The following IMMP2L variants were observed in gnomAD, a reference collection of about 807,000 sequenced individuals.
IMMP2L encodes inner mitochondrial membrane peptidase subunit 2, also known as mitochondrial inner membrane protease subunit 2.
A neutral mutation model predicts 19.3 loss-of-function variants in IMMP2L; 18 were observed. That is an observed-to-expected ratio of 0.93 (90% CI 0.64 to 1.38). The LOEUF (loss-of-function observed/expected upper bound fraction) is 1.38. Among genes scored for constraint, IMMP2L ranks in the 40% most tolerant of loss-of-function variants. The probability of loss-of-function intolerance (pLI) is 0.00; values close to 1 mark genes in which losing one functional copy is unlikely to be tolerated. For synonymous variants in IMMP2L, 76 were observed against 73.0 expected, an observed-to-expected ratio of 1.04 and a Z score of -0.21; for missense variants, 233 against 218.2, an observed-to-expected ratio of 1.07 and a Z score of -0.43.
chr7:110,738,495 G>A (rs561113309), intron 5 of IMMP2L, among the ~76,000 whole-genome samples: 40 of 152,148 alleles, frequency 2.6e-4, no homozygotes, highest in Middle Eastern at 3.4e-3. Flanking sequence ...CAAGACTTTC[G>A]AATTTACCCA....
At chr7:111,062,189 G>A (rs566131614) in intron 3 of IMMP2L, among the ~76,000 whole-genome samples, 1 of 152,314 alleles carries the variant, frequency 6.6e-6, no homozygotes, top group South Asian at 2.1e-4. Context: ...TGGACTCACA[G>A]TTCCACATGG....
intron 3 of IMMP2L, among the ~76,000 whole-genome samples, chr7:111,304,563 A>C (rs1822620978): frequency 6.6e-6 from 1 of 151,918 alleles, no homozygotes; most frequent in South Asian, 2.1e-4. Context: ...GTGTGTGTAC[A>C]TATGTATAGT....
chr7:111,534,442 C>T (rs558514954), intron 1 of IMMP2L, among the ~76,000 whole-genome samples: 2 of 152,028 alleles, frequency 1.3e-5, no homozygotes, highest in South Asian at 2.1e-4. Flanking sequence ...TCATCCTCAT[C>T]GTCATCCTTA....
chr7:111,489,850 A>G (rs1166589894), intron 2 of IMMP2L, among the ~76,000 whole-genome samples: 1 of 152,102 alleles, frequency 6.6e-6, no homozygotes, highest in Non-Finnish European at 1.5e-5. Flanking sequence ...ATTAAAATGG[A>G]ATTTGTTATC....
At chr7:110,783,339 AG>A (rs1285395615) in intron 5 of IMMP2L, among the ~76,000 whole-genome samples, 1 of 151,830 alleles carries the variant, frequency 6.6e-6, no homozygotes, top group Non-Finnish European at 1.5e-5. Flanking sequence ...AGGAAACTAA[AG>A]GTCAGCAAAA....
chr7:111,388,997 C>A (rs1832072844), intron 3 of IMMP2L, among the ~76,000 whole-genome samples: 1 of 152,076 alleles, frequency 6.6e-6, no homozygotes, highest in Admixed American at 6.6e-5. Context: ...TAGTAAAGAG[C>A]AATCTTAGAC....
At chr7:111,304,549 A>G (rs192194512) in intron 3 of IMMP2L, among the ~76,000 whole-genome samples, 100 of 152,008 alleles carry the variant, frequency 6.6e-4, no homozygotes, top group Non-Finnish European at 1.2e-3. Context: ...GTGTATATAT[A>G]TGTGTGTGTG....
chr7:111,258,521 T>A (rs1816968042), intron 3 of IMMP2L, among the ~76,000 whole-genome samples: 2 of 152,130 alleles, frequency 1.3e-5, no homozygotes, highest in Admixed American at 6.5e-5. Context: ...TTTTTTATTT[T>A]TTTGAAAAAG....
rs547966713 is a variant in IMMP2L at position 110,988,529 on chromosome 7, G to A, written c.240-24964C>T. 5.3e-5 allele frequency among the ~76,000 whole-genome samples: 8 copies of A among 152,262 alleles called. No individual in the cohort carries two copies. In the South Asian group the frequency reaches 8.3e-4, roughly 16 times the overall value. On this transcript the variant is annotated intron_variant, in intron 3 of 5. Coordinates refer to ENST00000405709, the MANE Select transcript of IMMP2L (RefSeq NM_032549.4). ...TGCACAGGAAGAAAAGGAAAGCACCGACTCTAGTAAATGGATAGCAACCTT... is the reference window on the plus strand; with the variant it reads ...TGCACAGGAAGAAAAGGAAAGCACCAACTCTAGTAAATGGATAGCAACCTT...
chr7:110,911,810 T>A (rs929872521), intron 4 of IMMP2L, among the ~76,000 whole-genome samples: 1 of 152,150 alleles, frequency 6.6e-6, no homozygotes, highest in Non-Finnish European at 1.5e-5. Context: ...ACCTGTCTAA[T>A]CTTTCAATTC....
intron 3 of IMMP2L, among the ~76,000 whole-genome samples, chr7:111,143,796 C>A (rs932902123): frequency 6.6e-6 from 1 of 152,072 alleles, no homozygotes; most frequent in Non-Finnish European, 1.5e-5. Context: ...TGAGAAAATG[C>A]ATTCTCATTT....
At position 111,210,637 on chromosome 7, in the gene IMMP2L, GA is replaced by G. The variant is rs577818809; in HGVS notation, c.240-247073del. 9.1e-3 allele frequency among the ~76,000 whole-genome samples: 1,362 copies of G among 149,606 alleles called. 24 individuals are homozygous for G. Among genetic ancestry groups the G allele is most frequent in the African/African-American group, 0.032 (1,306 of 40,778 alleles). On this transcript the variant is annotated intron_variant, in intron 3 of 5. Transcript: ENST00000405709. Reference sequence around the variant, plus strand: ...TTCTAGTTTTACTACCTGGTTAATAGAAAAAAAAATACTACATCTGCCTACA... The same window carrying G: ...TTCTAGTTTTACTACCTGGTTAATAGAAAAAAAATACTACATCTGCCTACA...
chr7:110,782,235 C>T (rs1799792373), intron 5 of IMMP2L, among the ~76,000 whole-genome samples: 1 of 151,742 alleles, frequency 6.6e-6, no homozygotes, highest in Admixed American at 6.6e-5. Flanking sequence ...TATTTTAAGC[C>T]TAAGGTAGAT....
In IMMP2L at chr7:111,092,045, T is replaced by C. The variant is rs371374139; in HGVS notation, c.240-128480A>G. 2.6e-5 allele frequency among the ~76,000 whole-genome samples: 4 copies of C among 152,320 alleles called. No individual in the cohort carries two copies. The East Asian group carries it at 5.8e-4, about 22-fold the overall frequency. On this transcript the variant is annotated intron_variant, in intron 3 of 5. Transcript: ENST00000405709. ...TCCAGTGGATGCAAATTAAGGCAAATGCTGTTGTATGTTAAGAGCTAAACC... is the reference window on the plus strand; with the variant it reads ...TCCAGTGGATGCAAATTAAGGCAAACGCTGTTGTATGTTAAGAGCTAAACC...
At position 110,773,498 on chromosome 7, in the gene IMMP2L, G is replaced by A. The variant is rs185065592; in HGVS notation, c.409-109777C>T. ...AGAACATTAAAAAATCAGTCATTAC[G>A]TATCAGGTGCAGGGACAGATTAAAT... On this transcript the variant is annotated intron_variant, in intron 5 of 5. Coordinates refer to ENST00000405709, the MANE Select transcript of IMMP2L (RefSeq NM_032549.4). 3.3e-4 allele frequency among the ~76,000 whole-genome samples: 50 copies of A among 152,230 alleles called. No individual in the cohort carries two copies. In the East Asian group the frequency reaches 9.1e-3, roughly 28 times the overall value.
intron 5 of IMMP2L, among the ~76,000 whole-genome samples, chr7:110,792,623 G>A (rs1053513667): frequency 1.3e-5 from 2 of 152,004 alleles, no homozygotes; most frequent in Non-Finnish European, 2.9e-5. Context: ...TGTCTTTCAC[G>A]CTGCTTGCAC....
At chr7:111,383,826 C>T (rs1831442655) in intron 3 of IMMP2L, among the ~76,000 whole-genome samples, 1 of 152,032 alleles carries the variant, frequency 6.6e-6, no homozygotes, top group Non-Finnish European at 1.5e-5. Context: ...CCTCCTTCCA[C>T]TTTTATATGT....
At chr7:111,318,112 C>T (rs573208416) in intron 3 of IMMP2L, among the ~76,000 whole-genome samples, 215 of 152,262 alleles carry the variant, frequency 1.4e-3, no homozygotes, top group Non-Finnish European at 2.5e-3. Flanking sequence ...GTAAAAACTA[C>T]ACTAGCTTAT....
chr7:111,199,236 T>C (rs1373313077), intron 3 of IMMP2L, among the ~76,000 whole-genome samples: 1 of 152,202 alleles, frequency 6.6e-6, no homozygotes, highest in Non-Finnish European at 1.5e-5. Context: ...GTATATTAAC[T>C]CAAATATTTC....
Sources: allele counts gnomAD v4.1 joint callset (sites outside exome capture counted in the v4.1 genomes callset), GRCh38; gene constraint gnomAD v4.1.1; transcripts MANE v1.5; gene names NCBI Gene and HGNC (gene_info 2026-07-23, HGNC 2026-07-21).